QPRT: variants seen among roughly 807,000 people sequenced by gnomAD.
The protein encoded by QPRT is quinolinate phosphoribosyltransferase, also known as nicotinate-nucleotide pyrophosphorylase [carboxylating].
In QPRT, 17 loss-of-function variants were observed where a neutral mutation model predicts 19.8. That is an observed-to-expected ratio of 0.86 (90% CI 0.59 to 1.29). The LOEUF (loss-of-function observed/expected upper bound fraction) is 1.29. Among genes scored for constraint, QPRT ranks in the 50% most tolerant of loss-of-function variants. QPRT has a pLI of 0.00. For missense variants in QPRT, 336 were observed against 405.1 expected, an observed-to-expected ratio of 0.83 and a Z score of 1.46; for synonymous variants, 178 against 191.0, an observed-to-expected ratio of 0.93 and a Z score of 0.56.
intron 1 of QPRT, among the ~76,000 whole-genome samples, chr16:29,684,968 C>T (rs1292202164): frequency 6.6e-6 from 1 of 152,108 alleles, no homozygotes; most frequent in Non-Finnish European, 1.5e-5. Flanking sequence ...CTCCTGCTGT[C>T]CCACCTCCAC....
chr16:29,689,359 T>G (rs1967257793), intron 1 of QPRT, among the ~76,000 whole-genome samples: 1 of 151,730 alleles, frequency 6.6e-6, no homozygotes, highest in Admixed American at 6.6e-5. Context: ...CCTCCCAAAG[T>G]GCTGGGATTA....
chr16:29,688,711 G>A (rs138725068), intron 1 of QPRT, among the ~76,000 whole-genome samples: 3 of 151,446 alleles, frequency 2.0e-5, no homozygotes, highest in African/African-American at 7.3e-5. Flanking sequence ...GTAGGGACAG[G>A]GTTTTGCCAT....
At chr16:29,679,417 G>C (rs1966924587) in intron 1 of QPRT, among the ~76,000 whole-genome samples, 1 of 152,072 alleles carries the variant, frequency 6.6e-6, no homozygotes, top group African/African-American at 2.4e-5. Flanking sequence ...CTCCTGTGTT[G>C]AGTCCCCAAG....
chr16:29,679,031 T>C (rs1966909098), upstream of QPRT: 4 of 1,183,830 alleles, frequency 3.4e-6, no homozygotes, highest in East Asian at 1.0e-4. Context: ...TGCTGAGGAA[T>C]CTGCAGGCCT....
At chr16:29,688,142 C>G (rs996931969) in intron 1 of QPRT, among the ~76,000 whole-genome samples, 1 of 151,666 alleles carries the variant, frequency 6.6e-6, no homozygotes, top group African/African-American at 2.4e-5. Context: ...GGGCTGAACT[C>G]TACACCATGG....
At chr16:29,689,935 A>G (rs759441611) in intron 1 of QPRT, among the ~76,000 whole-genome samples, 8 of 152,046 alleles carry the variant, frequency 5.3e-5, no homozygotes, top group Non-Finnish European at 2.9e-5. Flanking sequence ...CTAGCCTGCC[A>G]ATGCTCCCAG....
In QPRT at chr16:29,697,019, G is replaced by A. The variant is rs745718849; in HGVS notation, c.573G>A (p.Ala191=). Residue 191 remains alanine (A), a synonymous_variant, in exon 3 of 4, where the codon GCG becomes GCA. Transcript: ENST00000395384. The surrounding 1 kb of genome is among the most constrained non-coding windows in gnomAD (Gnocchi z 4.4). ...AGGCGGTGCGGGCGGCCAGACAGGCGGCTGACTTCACTCTGAAGGTGGAAG... is the reference window on the plus strand; with the variant it reads ...AGGCGGTGCGGGCGGCCAGACAGGCAGCTGACTTCACTCTGAAGGTGGAAG... ...VEKAVRAARQ[A]ADFTLKVEVE... is the part of the protein sequence containing the mutation. 9 of 1,608,482 alleles carry A rather than the reference G, an allele frequency of 5.6e-6. No individual in the cohort carries two copies. Among genetic ancestry groups the A allele is most frequent in the East Asian group, 4.5e-5 (2 of 44,838 alleles).
intron 2 of QPRT, 140 bp downstream of exon 2, chr16:29,695,339 C>A: frequency 1.0e-6 from 1 of 997,120 alleles, no homozygotes; most frequent in Non-Finnish European, 1.4e-6. Context: ...CCCACCTCAG[C>A]TCCTCCATCT....
chr16:29,695,389 G>A (rs1163190240), intron 2 of QPRT, among the ~76,000 whole-genome samples, 190 bp downstream of exon 2: 2 of 152,108 alleles, frequency 1.3e-5, no homozygotes, highest in Admixed American at 1.3e-4. Flanking sequence ...AAGCTAAAGG[G>A]GAGCTGGGCC....
intron 1 of QPRT, among the ~76,000 whole-genome samples, chr16:29,685,453 A>G (rs898719812): frequency 6.6e-6 from 1 of 152,184 alleles, no homozygotes; most frequent in Non-Finnish European, 1.5e-5. Flanking sequence ...CCCAGGCGAC[A>G]GTGAGACTCC....
intron 1 of QPRT, among the ~76,000 whole-genome samples, chr16:29,685,579 G>A (rs190778433): frequency 1.5e-4 from 23 of 152,240 alleles, no homozygotes; most frequent in South Asian, 4.1e-4. Flanking sequence ...GACAGCCACC[G>A]CGCCCAGCCT....
chr16:29,684,071 C>G (rs184740767), intron 1 of QPRT, among the ~76,000 whole-genome samples: 249 of 152,292 alleles, frequency 1.6e-3, no homozygotes, highest in African/African-American at 5.4e-3. Context: ...CAGGTACCCA[C>G]TCCTGATGAT....
chr16:29,683,220 C>T lies in QPRT; in HGVS notation c.13+4010C>T, dbSNP rs187812010. Among the ~76,000 whole-genome samples the T allele has an allele frequency of 2.6e-3, 395 of 151,712 alleles. 1 individual carries two copies. The highest frequency in any genetic ancestry group is 6.1e-3 in the South Asian group (29 of 4,792). Reference sequence around the variant, plus strand: ...TTGTATTTTTTTAGTAGAGACAGCGCTTCACCATGTTGTCCAGGCTGGTCT... The same window carrying T: ...TTGTATTTTTTTAGTAGAGACAGCGTTTCACCATGTTGTCCAGGCTGGTCT... On this transcript the variant is annotated intron_variant, in intron 1 of 3. Transcript: ENST00000395384.
chr16:29,681,397 A>G lies in QPRT; in HGVS notation c.13+2187A>G, dbSNP rs147860813. 1.7e-4 allele frequency among the ~76,000 whole-genome samples: 26 copies of G among 151,000 alleles called. No homozygotes were observed. In the East Asian group the frequency reaches 4.7e-3, roughly 27 times the overall value. ...GGATGGGCTCTGGGGGAGTTCATGAACCCCAGAATTTGCAGGTGAAATTGT... is the reference window on the plus strand; with the variant it reads ...GGATGGGCTCTGGGGGAGTTCATGAGCCCCAGAATTTGCAGGTGAAATTGT... On this transcript the variant is annotated intron_variant, in intron 1 of 3. Transcript: ENST00000395384.
At position 29,689,297 on chromosome 16, in the gene QPRT, G is replaced by A. The variant is rs1350834867; in HGVS notation, c.14-5367G>A. Reference sequence around the variant, plus strand: ...TTTAGTAGAGATGAGGTTTTGCCATGTTGGACAGGCTGGTCTTGAACTCCT... The same window carrying A: ...TTTAGTAGAGATGAGGTTTTGCCATATTGGACAGGCTGGTCTTGAACTCCT... On this transcript the variant is annotated intron_variant, in intron 1 of 3. Coordinates refer to ENST00000395384, the MANE Select transcript of QPRT (RefSeq NM_014298.6). Among the ~76,000 whole-genome samples the A allele has an allele frequency of 2.0e-5, 3 of 151,196 alleles. No individual in the cohort carries two copies. In the East Asian group the frequency reaches 5.9e-4, roughly 30 times the overall value.
chr16:29,681,490 A>ATTTTT (rs573949264), intron 1 of QPRT, among the ~76,000 whole-genome samples: 5 of 69,740 alleles, frequency 7.2e-5, no homozygotes, highest in Admixed American at 1.8e-4. Flanking sequence ...TCAGATCCAG[A>ATTTTT]TTCTTTTTTT....
In QPRT at chr16:29,694,858, C is replaced by T. The variant is rs1967470919; in HGVS notation, c.208C>T (p.Gln70Ter). ...FDAIFTQLNC[Q>*]VSWFLPEGSK... ...TGCCATATTTACCCAACTCAACTGC[C>T]AAGTCTCCTGGTTCCTCCCCGAGGG... Residue 70 changes from glutamine (Q) to a stop codon, truncating the protein, a stop_gained, in exon 2 of 4, where the codon CAA becomes TAA. Transcript: ENST00000395384. LOFTEE classifies it high-confidence loss of function. The T allele has an allele frequency of 6.2e-7, 1 of 1,614,010 alleles. No homozygotes were observed. Among genetic ancestry groups the T allele is most frequent in the Non-Finnish European group, 8.5e-7 (1 of 1,179,968 alleles).
intron 1 of QPRT, among the ~76,000 whole-genome samples, chr16:29,679,596 C>T (rs1031964240): frequency 6.6e-6 from 1 of 151,870 alleles, no homozygotes; most frequent in African/African-American, 2.4e-5. Context: ...AAGTCCTGTC[C>T]CTTCTGCAGC....
chr16:29,698,418 G>A lies in QPRT; in HGVS notation c.*1007G>A, dbSNP rs1333806888. On this transcript the variant is annotated 3_prime_UTR_variant, in exon 4 of 4. Transcript: ENST00000395384. The stretch of plus-strand genomic sequence containing the variant: ...ACCCGGCCCTGGTAGTTAAAAAAAA[G>A]TAACAATAATAATAATATCAACCCC... 1 of 152,180 alleles carries A rather than the reference G, an allele frequency of 6.6e-6. No homozygotes were observed. The highest frequency in any genetic ancestry group is 1.9e-4 in the East Asian group (1 of 5,196). The allele number at this position is 152,180 out of a possible 1,614,324, so 9.4% of individuals were successfully genotyped here.
Sources: allele counts gnomAD v4.1 joint callset (sites outside exome capture counted in the v4.1 genomes callset), GRCh38; gene constraint gnomAD v4.1.1; non-coding constraint Gnocchi (gnomAD v3.1); transcripts MANE v1.5; gene names NCBI Gene and HGNC (gene_info 2026-07-23, HGNC 2026-07-21).